Variants in OSBPL1A observed in about 807,000 individuals in gnomAD.
The protein encoded by OSBPL1A is oxysterol-binding protein-related protein 1.
A neutral mutation model predicts 137.1 loss-of-function variants in OSBPL1A; 80 were observed. The ratio of observed to expected loss-of-function variants is 0.58; its 90% CI spans 0.49 to 0.70. OSBPL1A has a LOEUF of 0.70. Ranked by LOEUF, OSBPL1A falls within the 30% of genes least tolerant of loss-of-function variation. The pLI is 0.00. For missense variants in OSBPL1A, 970 were observed against 1,129.4 expected (o/e 0.86, Z 2.02); for synonymous variants, 365 against 389.7 (o/e 0.94, Z 0.75).
intron 14 of OSBPL1A, among the ~76,000 whole-genome samples, chr18:24,299,184 C>A (rs1345207412): frequency 6.6e-6 from 1 of 151,988 alleles, no homozygotes; most frequent in African/African-American, 2.4e-5. Flanking sequence ...TATCTGTTGG[C>A]TGCCATTTTG....
At chr18:24,229,591 C>A (rs9807657) in intron 16 of OSBPL1A, among the ~76,000 whole-genome samples, 6,230 of 152,262 alleles carry the variant, frequency 0.041, 407 homozygotes, top group African/African-American at 0.14. Flanking sequence ...ATAGATATTT[C>A]AGTTTAAACA....
chr18:24,183,058 A>G lies in OSBPL1A; in HGVS notation c.1678-1779T>C, dbSNP rs572351665. ...TAATTTTTGTATTTTTTTAGTAGAG[A>G]CAGGGTTTCACCATGTTGGTCAGGC... On this transcript the variant is annotated intron_variant, in intron 18 of 27. Coordinates refer to ENST00000319481, the MANE Select transcript of OSBPL1A (RefSeq NM_080597.4). Among the ~76,000 whole-genome samples, 17 of 151,922 alleles carry G rather than the reference A, an allele frequency of 1.1e-4. No homozygotes were observed. The South Asian group carries it at 3.1e-3, about 28-fold the overall frequency.
In OSBPL1A at chr18:24,196,460, C is replaced by G. The variant is rs113048494; in HGVS notation, c.1602-260G>C. On this transcript the variant is annotated intron_variant, in intron 17 of 27. Transcript: ENST00000319481. ...TGATCTGAACTCAGTCCTCCCAGTCCTTGGGATCCAGCTGTTTGGACCACC... is the reference window on the plus strand; with the variant it reads ...TGATCTGAACTCAGTCCTCCCAGTCGTTGGGATCCAGCTGTTTGGACCACC... Among the ~76,000 whole-genome samples the G allele has an allele frequency of 7.3e-4, 111 of 152,292 alleles. 1 individual carries two copies. Among genetic ancestry groups the G allele is most frequent in the African/African-American group, 2.6e-3 (108 of 41,544 alleles).
At chr18:24,365,476 T>G (rs531062051) in intron 4 of OSBPL1A, among the ~76,000 whole-genome samples, 3 of 151,590 alleles carry the variant, frequency 2.0e-5, no homozygotes, top group African/African-American at 7.3e-5. Context: ...CCCAGCTACT[T>G]GGGAGGCTAA....
intron 15 of OSBPL1A, among the ~76,000 whole-genome samples, chr18:24,273,215 A>G (rs547649398): frequency 5.3e-5 from 8 of 152,278 alleles, no homozygotes; most frequent in Non-Finnish European, 1.2e-4. Context: ...GCCTCATGGC[A>G]TCTTTGAAAA....
chr18:24,194,163 C>T (rs1170968890), intron 18 of OSBPL1A, among the ~76,000 whole-genome samples: 1 of 152,078 alleles, frequency 6.6e-6, no homozygotes, highest in Non-Finnish European at 1.5e-5. Context: ...CTAAAGTGGC[C>T]AAAAAGACTA....
At chr18:24,230,707 T>C (rs550937738) in intron 16 of OSBPL1A, among the ~76,000 whole-genome samples, 5 of 152,172 alleles carry the variant, frequency 3.3e-5, no homozygotes, top group African/African-American at 1.2e-4. Flanking sequence ...AATAAACATA[T>C]ACGTTTCTAT....
chr18:24,187,576 T>C (rs913466746), intron 18 of OSBPL1A, among the ~76,000 whole-genome samples: 1 of 152,178 alleles, frequency 6.6e-6, no homozygotes, highest in Non-Finnish European at 1.5e-5. Flanking sequence ...AAAGATGAGA[T>C]GAATTCATTC....
At chr18:24,168,826 T>A (rs115703789) in intron 24 of OSBPL1A, among the ~76,000 whole-genome samples, 2,135 of 152,230 alleles carry the variant, frequency 0.014, 54 homozygotes, top group African/African-American at 0.048. Context: ...ACCTGCTCTC[T>A]CCAATGGGAA....
intron 17 of OSBPL1A, among the ~76,000 whole-genome samples, chr18:24,217,415 G>A (rs375500003): frequency 5.3e-5 from 8 of 152,010 alleles, no homozygotes; most frequent in Admixed American, 6.6e-5. Flanking sequence ...CCGCCACCAC[G>A]CCCAGCTAAT....
intron 1 of OSBPL1A, among the ~76,000 whole-genome samples, chr18:24,382,694 G>T (rs1288161796): frequency 4.0e-5 from 6 of 151,722 alleles, no homozygotes; most frequent in Admixed American, 1.3e-4. Context: ...TGGGCAACAT[G>T]GTAAAACCCC....
intron 4 of OSBPL1A, among the ~76,000 whole-genome samples, chr18:24,349,663 G>A (rs968973970): frequency 3.3e-5 from 5 of 151,738 alleles, no homozygotes. Flanking sequence ...GTCCAGATAT[G>A]GCTGTGTGGC....
intron 16 of OSBPL1A, among the ~76,000 whole-genome samples, chr18:24,230,234 G>A (rs2088228422): frequency 6.6e-6 from 1 of 152,148 alleles, no homozygotes; most frequent in Non-Finnish European, 1.5e-5. Context: ...AGGCTTTCAG[G>A]ACAAACAAGG....
At chr18:24,291,741 C>A in intron 14 of OSBPL1A, among the ~76,000 whole-genome samples, 1 of 147,646 alleles carries the variant, frequency 6.8e-6, no homozygotes, top group South Asian at 2.1e-4. Flanking sequence ...AAAATCTTTG[C>A]AGTAACAAAA....
chr18:24,270,823 TAAGC>T (rs2089699576), intron 15 of OSBPL1A, among the ~76,000 whole-genome samples: 1 of 152,142 alleles, frequency 6.6e-6, no homozygotes, highest in African/African-American at 2.4e-5. Context: ...AGATTCCTGC[TAAGC>T]AATGCCTTAA....
chr18:24,261,865 T>A (rs1462300408), intron 15 of OSBPL1A, among the ~76,000 whole-genome samples: 2 of 152,072 alleles, frequency 1.3e-5, no homozygotes, highest in Non-Finnish European at 2.9e-5. Context: ...AAATAAAAAA[T>A]TTTTTCAAAG....
chr18:24,375,942 G>A (rs1351238397), intron 2 of OSBPL1A, among the ~76,000 whole-genome samples: 1 of 152,200 alleles, frequency 6.6e-6, no homozygotes, highest in East Asian at 1.9e-4. Flanking sequence ...CGGCGCGTCT[G>A]GAGTTGTTTG....
intron 4 of OSBPL1A, among the ~76,000 whole-genome samples, chr18:24,355,996 A>G (rs2091527975): frequency 1.4e-5 from 2 of 145,700 alleles, no homozygotes; most frequent in East Asian, 1.9e-4. Context: ...AAAAAAAAAA[A>G]AAAAGAAAAG....
At chr18:24,236,231 A>G (rs1398117238) in intron 16 of OSBPL1A, among the ~76,000 whole-genome samples, 1 of 152,224 alleles carries the variant, frequency 6.6e-6, no homozygotes, top group Non-Finnish European at 1.5e-5. Flanking sequence ...TAGTTATACA[A>G]TATTGAAAGT....
Sources: gnomAD v4.1 joint callset for allele counts (sites outside exome capture counted in the v4.1 genomes callset) on GRCh38, gnomAD v4.1.1 for gene constraint, MANE v1.5 for transcripts, NCBI Gene and HGNC (gene_info 2026-07-23, HGNC 2026-07-21) for gene names.